MPPED2: variants seen among roughly 807,000 people sequenced by gnomAD.
MPPED2 encodes metallophosphoesterase domain containing 2, also known as metallophosphoesterase MPPED2.
MPPED2 carries 5 observed loss-of-function variants against 33.0 expected under a neutral mutation model. That is an observed-to-expected ratio of 0.15 (90% CI 0.08 to 0.32). MPPED2 has a LOEUF of 0.32. Ranked by LOEUF, MPPED2 falls within the 10% of genes least tolerant of loss-of-function variation. The probability of loss-of-function intolerance (pLI) is 1.00; values close to 1 mark genes in which losing one functional copy is unlikely to be tolerated. For missense variants in MPPED2, 275 were observed against 372.1 expected (o/e 0.74, Z 2.15); for synonymous variants, 136 against 141.9 (o/e 0.96, Z 0.29).
chr11:30,541,347 A>G (rs1955100823), intron 2 of MPPED2, among the ~76,000 whole-genome samples: 2 of 152,162 alleles, frequency 1.3e-5, no homozygotes, highest in Non-Finnish European at 2.9e-5. Context: ...TGTTTTTCCA[A>G]TAACAAATGA....
In MPPED2 at chr11:30,453,981, G is replaced by T. The variant is rs542713864; in HGVS notation, c.537-36348C>A. Among the ~76,000 whole-genome samples, 4 of 152,234 alleles carry T rather than the reference G, an allele frequency of 2.6e-5. No homozygotes were observed. In the East Asian group the frequency reaches 7.7e-4, roughly 29 times the overall value. On this transcript the variant is annotated intron_variant, in intron 4 of 6. Coordinates refer to ENST00000358117, the MANE Select transcript of MPPED2 (RefSeq NM_001584.3). The stretch of plus-strand genomic sequence containing the variant: ...ATACAAAGGAGTTCTGGGGAGTGTC[G>T]TCTCTTTCCCAAAGAAGTCATCTCT...
intron 3 of MPPED2, among the ~76,000 whole-genome samples, chr11:30,521,761 G>A: frequency 6.6e-6 from 1 of 152,098 alleles, no homozygotes; most frequent in East Asian, 1.9e-4. Context: ...GTGGCTACTA[G>A]TCTCCAGGAT....
At position 30,536,482 on chromosome 11, in the gene MPPED2, A is replaced by G. The variant is rs1015692135; in HGVS notation, c.129-307T>C. On this transcript the variant is annotated intron_variant, in intron 2 of 6. Transcript: ENST00000358117. ...GAGTGATTAATGGTGAAGTTTAGGG[A>G]TACTGAACCTCAACTGGGGAAGCAA... Among the ~76,000 whole-genome samples the G allele has an allele frequency of 5.3e-5, 8 of 152,220 alleles. No individual in the cohort carries two copies. The East Asian group carries it at 1.5e-3, about 29-fold the overall frequency.
chr11:30,390,453 C>T (rs1173412681), intron 6 of MPPED2, among the ~76,000 whole-genome samples: 2 of 152,136 alleles, frequency 1.3e-5, no homozygotes, highest in Non-Finnish European at 2.9e-5. Flanking sequence ...TTATGTTGGC[C>T]AAAGTATAAA....
intron 3 of MPPED2, among the ~76,000 whole-genome samples, chr11:30,502,747 G>A (rs1291835706): frequency 6.6e-6 from 1 of 152,206 alleles, no homozygotes; most frequent in Non-Finnish European, 1.5e-5. Flanking sequence ...AGAGAACAAT[G>A]AGGGGACTGG....
chr11:30,539,577 G>A (rs1418521861), intron 2 of MPPED2, among the ~76,000 whole-genome samples: 1 of 152,006 alleles, frequency 6.6e-6, no homozygotes, highest in Admixed American at 6.6e-5. Context: ...CCCTCTAGAC[G>A]ACATAATGTT....
intron 4 of MPPED2, among the ~76,000 whole-genome samples, chr11:30,425,095 A>G (rs959203555): frequency 6.6e-6 from 1 of 152,146 alleles, no homozygotes; most frequent in African/African-American, 2.4e-5. Flanking sequence ...GTTTTGATAA[A>G]GGGCAGGCCT....
intron 4 of MPPED2, among the ~76,000 whole-genome samples, chr11:30,470,847 C>T (rs1484936396): frequency 6.6e-6 from 1 of 152,162 alleles, no homozygotes; most frequent in African/African-American, 2.4e-5. Context: ...TTCCCACCTC[C>T]TCTGCCTCTA....
At chr11:30,453,734 G>A (rs959756718) in intron 4 of MPPED2, among the ~76,000 whole-genome samples, 12 of 152,196 alleles carry the variant, frequency 7.9e-5, no homozygotes, top group Non-Finnish European at 1.6e-4. Context: ...AAGCAAAGAA[G>A]ACTGGCTCTG....
intron 3 of MPPED2, among the ~76,000 whole-genome samples, chr11:30,515,187 A>G (rs1590667497): frequency 6.6e-6 from 1 of 152,154 alleles, no homozygotes. Flanking sequence ...TTTACAGAGG[A>G]GCTAAATGAA....
rs1953840618 is a variant in MPPED2 at position 30,520,922 on chromosome 11, T to TC, written c.310+15071_310+15072insG. ...CCCACCAGGCCCAGGGGACTCCTCT[T>TC]TACACTTTGTAGAAAAGCACTTTAC... On this transcript the variant is annotated intron_variant, in intron 3 of 6. Coordinates refer to ENST00000358117, the MANE Select transcript of MPPED2 (RefSeq NM_001584.3). Among the ~76,000 whole-genome samples the TC allele has an allele frequency of 2.1e-4, 32 of 152,054 alleles. 1 individual carries two copies. In the South Asian group the frequency reaches 6.6e-3, roughly 32 times the overall value.
intron 4 of MPPED2, 147 bp from the exon 5 acceptor site, chr11:30,417,780 T>C (rs1948440281): frequency 1.0e-5 from 6 of 602,290 alleles, no homozygotes; most frequent in Middle Eastern, 4.6e-4. Context: ...TGCTTTTTTG[T>C]TGACTGCTTC....
intron 2 of MPPED2, among the ~76,000 whole-genome samples, chr11:30,568,806 G>A (rs879284368): frequency 6.6e-6 from 1 of 152,116 alleles, no homozygotes; most frequent in Non-Finnish European, 1.5e-5. Context: ...GACCACTGCT[G>A]AATTGCAAAG....
chr11:30,549,230 CT>C (rs1955586180), intron 2 of MPPED2, among the ~76,000 whole-genome samples: 1 of 152,162 alleles, frequency 6.6e-6, no homozygotes, highest in African/African-American at 2.4e-5. Flanking sequence ...TAACTGCTTT[CT>C]TTCTGTACCT....
chr11:30,492,155 A>T (rs1590543711), intron 4 of MPPED2, among the ~76,000 whole-genome samples: 1 of 152,212 alleles, frequency 6.6e-6, no homozygotes, highest in Non-Finnish European at 1.5e-5. Flanking sequence ...AGTTTGCAGC[A>T]CCACCAAAAA....
intron 2 of MPPED2, among the ~76,000 whole-genome samples, chr11:30,576,808 A>T (rs2134876047): frequency 6.6e-6 from 1 of 151,888 alleles, no homozygotes; most frequent in East Asian, 2.0e-4. Flanking sequence ...CACAAATTCT[A>T]GGTTAAATTT....
chr11:30,455,636 C>T (rs894435109), intron 4 of MPPED2, among the ~76,000 whole-genome samples: 2 of 152,330 alleles, frequency 1.3e-5, no homozygotes, highest in Admixed American at 6.5e-5. Context: ...TTACGCTTTC[C>T]TCCCCATATG....
chr11:30,486,851 T>C (rs541347402), intron 4 of MPPED2, among the ~76,000 whole-genome samples: 1 of 152,366 alleles, frequency 6.6e-6, no homozygotes, highest in East Asian at 1.9e-4. Context: ...CATTTTGCTC[T>C]ATCATCTCTA....
At chr11:30,424,735 C>T (rs1410979661) in intron 4 of MPPED2, among the ~76,000 whole-genome samples, 1 of 152,136 alleles carries the variant, frequency 6.6e-6, no homozygotes, top group Non-Finnish European at 1.5e-5. Context: ...CATGTACCAC[C>T]CCACCCCCAA....
Sources: allele counts gnomAD v4.1 joint callset (sites outside exome capture counted in the v4.1 genomes callset), GRCh38; gene constraint gnomAD v4.1.1; transcripts MANE v1.5; gene names NCBI Gene and HGNC (gene_info 2026-07-23, HGNC 2026-07-21).